RPP30: variants seen among roughly 807,000 people sequenced by gnomAD.
The protein encoded by RPP30 is ribonuclease P protein subunit p30.
In RPP30, 36 loss-of-function variants were observed where a neutral mutation model predicts 38.6. The ratio of observed to expected loss-of-function variants is 0.93; its 90% CI spans 0.71 to 1.23. The LOEUF (loss-of-function observed/expected upper bound fraction) is 1.23, where lower values mean the gene tolerates loss of function less well. Among genes scored for constraint, RPP30 ranks in the 50% most tolerant of loss-of-function variants. The pLI is 0.00. For missense variants in RPP30, 321 were observed against 321.7 expected, an observed-to-expected ratio of 1.00 and a Z score of 0.02; for synonymous variants, 126 against 112.7, an observed-to-expected ratio of 1.12 and a Z score of -0.75.
intron 6 of RPP30, among the ~76,000 whole-genome samples, chr10:90,889,168 C>T (rs895633326): frequency 2.0e-5 from 3 of 152,092 alleles, no homozygotes; most frequent in Non-Finnish European, 2.9e-5. Context: ...TGTTTGTCTA[C>T]ATAAAGTATG....
At chr10:90,906,871 T>C (rs190302347), downstream of RPP30, among the ~76,000 whole-genome samples, 137 of 152,184 alleles carry the variant, frequency 9.0e-4, no homozygotes, top group Middle Eastern at 3.4e-3. Flanking sequence ...AAATGAAAGA[T>C]TGTGGGCAAA....
chr10:90,875,677 T>C (rs1846842117), intron 3 of RPP30, 63 bp downstream of exon 3: 2 of 1,384,392 alleles, frequency 1.4e-6, no homozygotes, highest in African/African-American at 1.4e-5. Flanking sequence ...TACCTAATTA[T>C]TGTGCTATTC....
At chr10:90,897,730 A>G (rs571504338) in intron 10 of RPP30, among the ~76,000 whole-genome samples, 1 of 152,338 alleles carries the variant, frequency 6.6e-6, no homozygotes, top group East Asian at 1.9e-4. Context: ...GAAGTCCTGC[A>G]TTTGACTTTA....
downstream of RPP30, among the ~76,000 whole-genome samples, chr10:90,904,844 A>G (rs1456639123): frequency 1.3e-5 from 2 of 152,146 alleles, no homozygotes; most frequent in Non-Finnish European, 2.9e-5. Flanking sequence ...TTTATTATTT[A>G]TTACTTCATT....
chr10:90,901,636 T>G lies in RPP30; in HGVS notation c.*957T>G. 1 of 985,066 alleles carries G rather than the reference T, an allele frequency of 1.0e-6. No homozygotes were observed. Among genetic ancestry groups the G allele is most frequent in the Non-Finnish European group, 1.2e-6 (1 of 829,636 alleles). The allele number at this position is 985,066 out of a possible 1,614,324, so 61.0% of individuals were successfully genotyped here. ...GCAAAGCATCGGACTGAACCAACTT[T>G]GGAAATAATTTATTTTTATAATGGG... is the stretch of plus-strand genomic sequence containing the variant. On this transcript the variant is annotated 3_prime_UTR_variant, in exon 11 of 11. Transcript: ENST00000371703.
intron 6 of RPP30, among the ~76,000 whole-genome samples, chr10:90,892,002 C>T (rs1589499854): frequency 6.6e-6 from 1 of 152,190 alleles, no homozygotes; most frequent in Admixed American, 6.5e-5. Context: ...CAGTAATCAG[C>T]TCCTTACTTT....
chr10:90,877,635 T>C (rs1442755793), intron 4 of RPP30, among the ~76,000 whole-genome samples: 2 of 150,540 alleles, frequency 1.3e-5, no homozygotes, highest in Non-Finnish European at 3.0e-5. Flanking sequence ...AAAAAAAAAG[T>C]CTGTCAGATT....
chr10:90,874,051 C>T (rs999514176), intron 1 of RPP30, among the ~76,000 whole-genome samples: 4 of 152,052 alleles, frequency 2.6e-5, no homozygotes, highest in Non-Finnish European at 5.9e-5. Flanking sequence ...TAGGGCTTGT[C>T]AAGTAATGGA....
intron 5 of RPP30, among the ~76,000 whole-genome samples, chr10:90,881,565 T>C (rs1285901038): frequency 1.3e-5 from 2 of 152,226 alleles, no homozygotes; most frequent in Non-Finnish European, 1.5e-5. Flanking sequence ...GTTTTAAAAA[T>C]GGGAACATCT....
intron 1 of RPP30, among the ~76,000 whole-genome samples, chr10:90,872,817 C>T (rs1039128495): frequency 6.6e-6 from 1 of 152,114 alleles, no homozygotes; most frequent in Admixed American, 6.5e-5. Flanking sequence ...GAAATGACAA[C>T]CACTTCTTGG....
intron 6 of RPP30, among the ~76,000 whole-genome samples, chr10:90,886,154 AAGAGGATAGCT>A (rs1846997646): frequency 1.3e-5 from 2 of 152,206 alleles, no homozygotes; most frequent in Non-Finnish European, 2.9e-5. Flanking sequence ...GATATTTCTT[AAGAGGATAGCT>A]AATAATCATG....
At chr10:90,891,068 A>G (rs1313200518) in intron 6 of RPP30, among the ~76,000 whole-genome samples, 1 of 152,204 alleles carries the variant, frequency 6.6e-6, no homozygotes, top group East Asian at 1.9e-4. Context: ...AGAGTGGGTA[A>G]TTTGGCAACA....
chr10:90,894,004 TAAAGA>T (rs1194489738), intron 6 of RPP30, among the ~76,000 whole-genome samples: 1 of 152,210 alleles, frequency 6.6e-6, no homozygotes, highest in African/African-American at 2.4e-5. Context: ...GTACATTAAA[TAAAGA>T]AGTTTCTGTT....
rs1036125456 is a variant in RPP30, at chr10:90,901,574, G to A, written c.*895G>A. The A allele has an allele frequency of 2.3e-5, 23 of 985,004 alleles. 1 individual carries two copies. The South Asian group carries it at 6.1e-4, about 26-fold the overall frequency. The allele number at this position is 985,004 out of a possible 1,614,324, so 61.0% of individuals were successfully genotyped here. ...ACTTTTAGTTAGAAACCCCTAAAAC[G>A]CTAATATTGATTTTCCTGATAGCTG... is the stretch of plus-strand genomic sequence containing the variant. On this transcript the variant is annotated 3_prime_UTR_variant, in exon 11 of 11. Transcript: ENST00000371703.
chr10:90,886,001 G>C (rs768416044), intron 6 of RPP30, 100 bp downstream of exon 6: 45 of 750,984 alleles, frequency 6.0e-5, no homozygotes, highest in Non-Finnish European at 8.7e-5. Context: ...GAAAAACAAA[G>C]GCTAGGGAAT....
At chr10:90,899,350 T>C (rs904641725) in intron 10 of RPP30, among the ~76,000 whole-genome samples, 4 of 152,236 alleles carry the variant, frequency 2.6e-5, no homozygotes, top group Non-Finnish European at 4.4e-5. Flanking sequence ...ACTAAGTTAA[T>C]CTTGATAAAT....
chr10:90,877,343 C>T (rs1206803713), intron 4 of RPP30, among the ~76,000 whole-genome samples: 1 of 151,942 alleles, frequency 6.6e-6, no homozygotes, highest in Non-Finnish European at 1.5e-5. Context: ...AGAGTGATCC[C>T]AATTAAAGAT....
At chr10:90,894,135 A>C (rs1398786592) in intron 6 of RPP30, among the ~76,000 whole-genome samples, 1 of 152,212 alleles carries the variant, frequency 6.6e-6, no homozygotes. Context: ...TTATTACTAA[A>C]GAAAAAGGAG....
rs1427386329 is a variant in RPP30, at chr10:90,881,632, CT to C, written c.342+2499del. Among the ~76,000 whole-genome samples, 5 of 152,290 alleles carry C rather than the reference CT, an allele frequency of 3.3e-5. No homozygotes were observed. In the East Asian group the frequency reaches 9.6e-4, roughly 29 times the overall value. ...TTAAGATTAAATTGAAATTAGAGTT[CT>C]CCTTGTTTTCTATAGGAAATCAATT... is the stretch of plus-strand genomic sequence containing the variant. On this transcript the variant is annotated intron_variant, in intron 5 of 10. Coordinates refer to ENST00000371703, the MANE Select transcript of RPP30 (RefSeq NM_006413.5).
Sources: gnomAD v4.1 joint callset for allele counts (sites outside exome capture counted in the v4.1 genomes callset) on GRCh38, gnomAD v4.1.1 for gene constraint, MANE v1.5 for transcripts, NCBI Gene and HGNC (gene_info 2026-07-23, HGNC 2026-07-21) for gene names.